The following SLC22A16 variants were observed in gnomAD, a reference collection of about 807,000 sequenced individuals.
SLC22A16 encodes WUGSC:RG331P03.1.
A neutral mutation model predicts 52.9 loss-of-function variants in SLC22A16; 53 were observed. That is an observed-to-expected ratio of 1.00 (90% CI 0.80 to 1.26). SLC22A16 has a LOEUF of 1.26. Ranked by LOEUF, SLC22A16 falls within the 50% of genes most tolerant of loss-of-function variation. The probability of loss-of-function intolerance (pLI) is 0.00; values close to 1 mark genes in which losing one functional copy is unlikely to be tolerated. For missense variants in SLC22A16, 726 were observed against 704.0 expected, an observed-to-expected ratio of 1.03 and a Z score of -0.35; for synonymous variants, 291 against 268.8, an observed-to-expected ratio of 1.08 and a Z score of -0.81.
chr6:110,429,877 G>T (rs1005851350), intron 7 of SLC22A16, among the ~76,000 whole-genome samples: 1 of 152,088 alleles, frequency 6.6e-6, no homozygotes, highest in Non-Finnish European at 1.5e-5. Context: ...TGGAGGGGCC[G>T]TTTGGGCAGT....
At chr6:110,445,277 C>T (rs1402090700) in intron 3 of SLC22A16, among the ~76,000 whole-genome samples, 1 of 152,104 alleles carries the variant, frequency 6.6e-6, no homozygotes. Context: ...CCCTTTCATC[C>T]ACTTCTATCT....
chr6:110,436,959 G>A (rs1490777120), intron 5 of SLC22A16, among the ~76,000 whole-genome samples: 1 of 152,104 alleles, frequency 6.6e-6, no homozygotes, highest in Admixed American at 6.6e-5. Context: ...GTTAAGGACA[G>A]CAGTGCCTCT....
chr6:110,442,808 G>A (rs1178188141), intron 3 of SLC22A16, 33 bp from the exon 4 acceptor site: 10 of 1,586,534 alleles, frequency 6.3e-6, no homozygotes, highest in African/African-American at 2.7e-5. Context: ...TTATATTCAA[G>A]GTCACATTTA....
intron 2 of SLC22A16, among the ~76,000 whole-genome samples, chr6:110,450,265 A>G (rs1473975728): frequency 6.6e-6 from 1 of 152,194 alleles, no homozygotes; most frequent in African/African-American, 2.4e-5. Context: ...GACATTTAGA[A>G]TAGTACCTAG....
chr6:110,436,038 T>C (rs1774716285), intron 5 of SLC22A16, 77 bp from the exon 6 acceptor site: 1 of 932,908 alleles, frequency 1.1e-6, no homozygotes. Flanking sequence ...AAATCATTAC[T>C]TAAAACATTC....
intron 1 of SLC22A16, among the ~76,000 whole-genome samples, chr6:110,469,595 A>G (rs1362940574): frequency 6.6e-6 from 1 of 152,184 alleles, no homozygotes. Context: ...ACTTTAAAGC[A>G]TGTTCACACT....
At position 110,456,668 on chromosome 6, in the gene SLC22A16, T is replaced by G. The variant is rs759315948; in HGVS notation, c.403A>C (p.Thr135Pro). 4.3e-6 allele frequency: 7 copies of G among 1,614,220 alleles called. No individual in the cohort carries two copies. The East Asian group carries it at 1.6e-4, about 36-fold the overall frequency. ...CVDGYIYDQN[T>P]WKSTAVTQWN... ...TGGGTCACCGCAGTGCTTTTCCATGTGTTCTGGTCATATATGTAGCCATCC... is the reference window on the plus strand; with the variant it reads ...TGGGTCACCGCAGTGCTTTTCCATGGGTTCTGGTCATATATGTAGCCATCC... The change falls in exon 2 of 8, where the codon ACA becomes CCA. Residue 135 changes from threonine to proline, a missense_variant. Thr to Pro is a conservative substitution (Grantham distance 38, BLOSUM62 -1). Transcript: ENST00000368919.
At chr6:110,452,177 C>G (rs1454200677) in intron 2 of SLC22A16, among the ~76,000 whole-genome samples, 2 of 152,200 alleles carry the variant, frequency 1.3e-5, no homozygotes, top group Non-Finnish European at 2.9e-5. Context: ...ATTGTCTCCA[C>G]AGAGGGCCTT....
intron 1 of SLC22A16, among the ~76,000 whole-genome samples, chr6:110,474,693 C>T (rs7747400): frequency 3.3e-5 from 5 of 152,270 alleles, no homozygotes; most frequent in South Asian, 2.1e-4. Context: ...ACCATGGGTG[C>T]GCAGCTGCTC....
intron 1 of SLC22A16, among the ~76,000 whole-genome samples, chr6:110,469,799 C>T (rs1056018315): frequency 2.6e-5 from 4 of 152,198 alleles, no homozygotes; most frequent in Non-Finnish European, 5.9e-5. Context: ...AAAGACATTA[C>T]ACTAATGGGT....
At position 110,427,475 on chromosome 6, in the gene SLC22A16, G is replaced by A. The variant is rs148270208; in HGVS notation, c.1522-2390C>T. On this transcript the variant is annotated intron_variant, in intron 7 of 7. Coordinates refer to ENST00000368919, the MANE Select transcript of SLC22A16 (RefSeq NM_033125.4). ...TTGAGAGGATGAAATTAAATATTAC[G>A]CAAAAGGCACTTAGAACAGCGCCTG... 4.6e-4 allele frequency among the ~76,000 whole-genome samples: 70 copies of A among 152,122 alleles called. No homozygotes were observed. In the East Asian group the frequency reaches 0.012, roughly 26 times the overall value.
rs1272311457 is a variant in SLC22A16 at position 110,442,232 on chromosome 6, G to A, written c.1183+12C>T. 3 of 1,609,736 alleles carry A rather than the reference G, an allele frequency of 1.9e-6. No individual in the cohort carries two copies. The highest frequency in any genetic ancestry group is 2.2e-5 in the South Asian group (2 of 90,428). ...CTTCACTGCCAAATTTAAATATACT[G>A]TAACTACTTACCCAGGAGGAAGAGG... On this transcript the variant is annotated intron_variant, in intron 4 of 7. Coordinates refer to ENST00000368919, the MANE Select transcript of SLC22A16 (RefSeq NM_033125.4).
intron 6 of SLC22A16, 134 bp downstream of exon 6, chr6:110,435,718 A>C: frequency 4.9e-6 from 3 of 617,984 alleles, no homozygotes; most frequent in Non-Finnish European, 8.5e-6. Context: ...GAGTATCAGC[A>C]TGTCATTTTC....
rs1392007168 is a variant in SLC22A16, at chr6:110,456,945, C to T, written c.126G>A (p.Val42=). 1.7e-5 allele frequency: 28 copies of T among 1,607,168 alleles called. No individual in the cohort carries two copies. Among genetic ancestry groups the T allele is most frequent in the Non-Finnish European group, 2.3e-5 (27 of 1,176,790 alleles). The change falls in exon 2 of 8, where the codon GTG becomes GTA. Residue 42 remains valine, a synonymous_variant. Transcript: ENST00000368919. ...ISCGIHYLAS[V]FMGVTPHHVC... is the part of the protein sequence containing the mutation. ...CATGATGAGGGGTGACTCCCATGAACACAGAAGCCAAGTAGTGAATACCAC... is the reference window on the plus strand; with the variant it reads ...CATGATGAGGGGTGACTCCCATGAATACAGAAGCCAAGTAGTGAATACCAC...
chr6:110,433,457 G>A (rs1774589800), intron 6 of SLC22A16, among the ~76,000 whole-genome samples: 1 of 152,198 alleles, frequency 6.6e-6, no homozygotes, highest in Non-Finnish European at 1.5e-5. Flanking sequence ...GCTATCTCTT[G>A]ACTAATGGAT....
At position 110,425,032 on chromosome 6, in the gene SLC22A16, T is replaced by G. The variant is rs1774198185; in HGVS notation, c.1575A>C (p.Pro525=). 1.2e-6 allele frequency: 2 copies of G among 1,614,082 alleles called. No individual in the cohort carries two copies. The change falls in exon 8 of 8, where the codon CCA becomes CCC. Residue 525 remains proline, a synonymous_variant. Coordinates refer to ENST00000368919, the MANE Select transcript of SLC22A16 (RefSeq NM_033125.4). ...LLSGVLTLKL[P]ETLGKRLATT... ...TTGCTAGCCGTTTCCCAAGGGTTTC[T>G]GGAAGCTTTAGTGTTAACACTCCAC...
chr6:110,436,030 A>G, intron 5 of SLC22A16, 69 bp from the exon 6 acceptor site: 1 of 1,008,626 alleles, frequency 9.9e-7, no homozygotes, highest in Non-Finnish European at 1.5e-6. Context: ...AATCTTTAAA[A>G]TCATTACTTA....
At chr6:110,457,750 G>A (rs1775721828) in intron 1 of SLC22A16, among the ~76,000 whole-genome samples, 1 of 152,198 alleles carries the variant, frequency 6.6e-6, no homozygotes. Context: ...GTTATGCCCG[G>A]GTAGGGCCAC....
chr6:110,431,059 C>T (rs551817625), intron 7 of SLC22A16, 112 bp downstream of exon 7: 1 of 886,082 alleles, frequency 1.1e-6, no homozygotes, highest in South Asian at 1.5e-5. Context: ...CTACAAACCC[C>T]ATTAGGAAAT....
Sources: gnomAD v4.1 joint callset for allele counts (sites outside exome capture counted in the v4.1 genomes callset) on GRCh38, gnomAD v4.1.1 for gene constraint, MANE v1.5 for transcripts, NCBI Gene and HGNC (gene_info 2026-07-23, HGNC 2026-07-21) for gene names.